Variants in USO1 observed in about 807,000 individuals in gnomAD.
USO1 encodes the protein general vesicular transport factor p115.
A neutral mutation model predicts 124.5 loss-of-function variants in USO1; 57 were observed. The observed-to-expected ratio is 0.46, with a 90% CI of 0.37 to 0.57. The LOEUF (loss-of-function observed/expected upper bound fraction) is 0.57. USO1 is among the 20% of genes least tolerant of loss of function. The pLI is 0.00. For synonymous variants in USO1, 369 were observed against 362.8 expected, an observed-to-expected ratio of 1.02 and a Z score of -0.19; for missense variants, 900 against 1,040.6, an observed-to-expected ratio of 0.86 and a Z score of 1.86.
At chr4:75,795,064 C>A (rs1033674663) in intron 13 of USO1, among the ~76,000 whole-genome samples, 2 of 152,128 alleles carry the variant, frequency 1.3e-5, no homozygotes, top group Admixed American at 6.5e-5. Flanking sequence ...CAATGAATGC[C>A]TGATGAGAAG....
chr4:75,799,759 A>T (rs1302622965), intron 14 of USO1, 27 bp downstream of exon 14: 8 of 1,608,238 alleles, frequency 5.0e-6, no homozygotes, highest in Non-Finnish European at 6.8e-6. Context: ...AGTAACGTAC[A>T]TGTAAGTATT....
intron 8 of USO1, among the ~76,000 whole-genome samples, chr4:75,778,269 C>T (rs1036811129): frequency 1.3e-5 from 2 of 151,804 alleles, no homozygotes; most frequent in South Asian, 4.2e-4. Context: ...ACATTTTGTA[C>T]GTTGTATGTA....
At chr4:75,786,344 A>G (rs1033282896) in intron 9 of USO1, among the ~76,000 whole-genome samples, 13 of 152,190 alleles carry the variant, frequency 8.5e-5, no homozygotes, top group Non-Finnish European at 1.8e-4. Flanking sequence ...TTAACAAGGT[A>G]TTATCATAAA....
chr4:75,745,644 A>T (rs184482656), intron 1 of USO1, among the ~76,000 whole-genome samples: 1 of 152,304 alleles, frequency 6.6e-6, no homozygotes, highest in East Asian at 1.9e-4. Flanking sequence ...TCACACCTGT[A>T]ATTCCAGCAC....
intron 1 of USO1, among the ~76,000 whole-genome samples, chr4:75,730,206 T>C (rs1720589760): frequency 6.6e-6 from 1 of 152,208 alleles, no homozygotes; most frequent in South Asian, 2.1e-4. Flanking sequence ...TTATATAGGG[T>C]TCATTTAAAA....
intron 3 of USO1, among the ~76,000 whole-genome samples, chr4:75,753,192 GA>G (rs1399955366): frequency 4.6e-5 from 7 of 152,126 alleles, no homozygotes; most frequent in African/African-American, 1.7e-4. Flanking sequence ...GCTGAGGTGG[GA>G]GGATTGCTTG....
intron 8 of USO1, among the ~76,000 whole-genome samples, chr4:75,775,577 A>G (rs1208014927): frequency 1.3e-5 from 2 of 152,098 alleles, no homozygotes; most frequent in African/African-American, 4.8e-5. Context: ...CATTAAGGGT[A>G]TTCACCATGA....
At chr4:75,759,652 T>C (rs1050301460) in intron 4 of USO1, among the ~76,000 whole-genome samples, 13 of 150,592 alleles carry the variant, frequency 8.6e-5, no homozygotes, top group Non-Finnish European at 1.2e-4. Flanking sequence ...CTCACGCCTG[T>C]AATCCCAGTA....
In USO1 at chr4:75,809,012, G is replaced by A. The variant is rs759799995; in HGVS notation, c.2436G>A (p.Gln812=). The A allele has an allele frequency of 2.5e-6, 4 of 1,604,600 alleles. No homozygotes were observed. The highest frequency in any genetic ancestry group is 2.6e-6 in the Non-Finnish European group (3 of 1,175,764). ...AATCTGTGGAGATCACCAAACTACAGACAGAAAAGCAGGAACTGTTACAGA... is the reference window on the plus strand; with the variant it reads ...AATCTGTGGAGATCACCAAACTACAAACAGAAAAGCAGGAACTGTTACAGA... ...NSQSVEITKL[Q]TEKQELLQKT... The change falls in exon 21 of 24, where the codon CAG becomes CAA. Residue 812 remains glutamine, a synonymous_variant. Coordinates refer to ENST00000514213, the MANE Select transcript of USO1 (RefSeq NM_003715.4).
chr4:75,749,645 T>C (rs1721241630), intron 1 of USO1, among the ~76,000 whole-genome samples: 1 of 151,570 alleles, frequency 6.6e-6, no homozygotes. Flanking sequence ...GTACATTCTT[T>C]AGTAAGTTAA....
chr4:75,734,358 A>C (rs1720727189), intron 1 of USO1, among the ~76,000 whole-genome samples: 3 of 152,158 alleles, frequency 2.0e-5, no homozygotes, highest in African/African-American at 7.2e-5. Context: ...GCATAAGGCT[A>C]TCCAGTTATC....
intron 1 of USO1, among the ~76,000 whole-genome samples, chr4:75,744,359 G>A (rs1301032134): frequency 6.6e-6 from 1 of 152,136 alleles, no homozygotes; most frequent in Non-Finnish European, 1.5e-5. Context: ...GATACGGAAG[G>A]ATGATGGCTC....
At chr4:75,752,905 G>A (rs1372672549) in intron 3 of USO1, among the ~76,000 whole-genome samples, 4 of 152,076 alleles carry the variant, frequency 2.6e-5, no homozygotes, top group Admixed American at 6.6e-5. Flanking sequence ...GACAGAGTGC[G>A]AGCCACTGTG....
At chr4:75,767,391 A>G (rs144070175) in intron 4 of USO1, 30 of 411,362 alleles carry the variant, frequency 7.3e-5, no homozygotes, top group Middle Eastern at 1.6e-3. Flanking sequence ...ACATATGTAA[A>G]TAAACAATTT....
chr4:75,813,252 A>T lies in USO1; in HGVS notation c.2846A>T (p.Asp949Val), dbSNP rs1382232842. The T allele has an allele frequency of 6.2e-7, 1 of 1,611,362 alleles. No homozygotes were observed. Residue 949 changes from aspartate to valine, a missense_variant, in exon 24 of 24, where the codon GAT becomes GTT. Physicochemically the swap from Asp to Val is radical, Grantham distance 152 (BLOSUM62 -3). Coordinates refer to ENST00000514213, the MANE Select transcript of USO1 (RefSeq NM_003715.4). ...GAATCTGGAGACCAAGAGGATGAGG[A>T]TGATGAAAGTGAAGATCCTGGCAAG... is the stretch of plus-strand genomic sequence containing the variant. ...ELESGDQEDEDDESEDPGKDL... is the reference protein window; with the variant it reads ...ELESGDQEDEVDESEDPGKDL...
At chr4:75,744,979 C>A (rs745646681) in intron 1 of USO1, 1 of 465,498 alleles carries the variant, frequency 2.1e-6, no homozygotes, top group South Asian at 1.6e-5. Flanking sequence ...TTTTTAGGAC[C>A]CCAAGCCTCT....
At chr4:75,731,814 GTTCT>G (rs1426309226) in intron 1 of USO1, among the ~76,000 whole-genome samples, 2 of 151,962 alleles carry the variant, frequency 1.3e-5, no homozygotes, top group East Asian at 1.9e-4. Flanking sequence ...TGCCATTCCT[GTTCT>G]TTATTTTTTC....
intron 12 of USO1, among the ~76,000 whole-genome samples, chr4:75,793,071 G>A (rs1314221626): frequency 6.6e-6 from 1 of 152,024 alleles, no homozygotes; most frequent in Non-Finnish European, 1.5e-5. Flanking sequence ...TGTTGTAAAT[G>A]ACTAGATCTC....
intron 13 of USO1, chr4:75,795,480 T>A: frequency 1.5e-6 from 1 of 653,478 alleles, no homozygotes; most frequent in Non-Finnish European, 2.7e-6. Flanking sequence ...CTCACACTTT[T>A]GCGTGTCAGC....
Sources: allele counts gnomAD v4.1 joint callset (sites outside exome capture counted in the v4.1 genomes callset), GRCh38; gene constraint gnomAD v4.1.1; transcripts MANE v1.5; gene names NCBI Gene and HGNC (gene_info 2026-07-23, HGNC 2026-07-21).